The following ARNT variants were observed in gnomAD, a reference collection of about 807,000 sequenced individuals.
ARNT encodes the protein aryl hydrocarbon receptor nuclear translocator, also known as class E basic helix-loop-helix protein 2.
A neutral mutation model predicts 105.0 loss-of-function variants in ARNT; 30 were observed. The observed-to-expected ratio is 0.29, with a 90% CI of 0.21 to 0.39. The LOEUF (loss-of-function observed/expected upper bound fraction) is 0.39. ARNT is among the 10% of genes least tolerant of loss of function. The probability of loss-of-function intolerance (pLI) is 1.00; values close to 1 mark genes in which losing one functional copy is unlikely to be tolerated. For synonymous variants in ARNT, 304 were observed against 344.0 expected (o/e 0.88, Z 1.29); for missense variants, 748 against 978.7 (o/e 0.76, Z 3.15).
At chr1:150,876,247 G>A (rs949278734) in intron 1 of ARNT, among the ~76,000 whole-genome samples, 3 of 152,152 alleles carry the variant, frequency 2.0e-5, no homozygotes, top group Non-Finnish European at 4.4e-5. Context: ...ACCAGACGCC[G>A]ACCGAGGAGT....
chr1:150,867,362 T>C (rs1382802265), intron 1 of ARNT, among the ~76,000 whole-genome samples: 1 of 151,352 alleles, frequency 6.6e-6, no homozygotes, highest in Non-Finnish European at 1.5e-5. Context: ...AGACCTCATT[T>C]CTATAAATTA....
At chr1:150,860,379 C>T (rs587763597) in intron 1 of ARNT, among the ~76,000 whole-genome samples, 1 of 151,344 alleles carries the variant, frequency 6.6e-6, no homozygotes, top group East Asian at 2.0e-4. Context: ...CCACGCCTGG[C>T]TAATTTTTGT....
chr1:150,861,692 C>G (rs1246171088), intron 1 of ARNT, among the ~76,000 whole-genome samples: 1 of 152,168 alleles, frequency 6.6e-6, no homozygotes, highest in African/African-American at 2.4e-5. Context: ...TGCCTGATTA[C>G]AGGCATGAGT....
chr1:150,863,562 C>G (rs1666035143), intron 1 of ARNT, among the ~76,000 whole-genome samples: 1 of 152,072 alleles, frequency 6.6e-6, no homozygotes, highest in Non-Finnish European at 1.5e-5. Context: ...GGCACAGTGG[C>G]TCACGCCTGT....
intron 14 of ARNT, among the ~76,000 whole-genome samples, chr1:150,818,705 C>T (rs973186487): frequency 1.1e-4 from 16 of 151,966 alleles, no homozygotes; most frequent in Admixed American, 1.1e-3. Flanking sequence ...GCTGAGATAG[C>T]GCCACCGCAC....
intron 1 of ARNT, among the ~76,000 whole-genome samples, chr1:150,871,259 T>TTAC (rs1667371321): frequency 6.6e-6 from 1 of 151,400 alleles, no homozygotes; most frequent in South Asian, 2.1e-4. Context: ...TGATGTCTAC[T>TTAC]TACTAAAGTC....
At chr1:150,822,087 T>C (rs1285906784) in intron 14 of ARNT, among the ~76,000 whole-genome samples, 1 of 152,152 alleles carries the variant, frequency 6.6e-6, no homozygotes, top group Non-Finnish European at 1.5e-5. Flanking sequence ...CATTCATGTA[T>C]GACATGGCTA....
At position 150,816,288 on chromosome 1, in the gene ARNT, G is replaced by C. The variant is rs1474921727; in HGVS notation, c.1921C>G (p.Pro641Ala). 3.7e-6 allele frequency: 6 copies of C among 1,607,668 alleles called. No homozygotes were observed. The South Asian group carries it at 4.4e-5, about 12-fold the overall frequency. ...PTQGATPTWT[P>A]TTRSGFSAQQ... ...GCAGAAAAGCCTGAGCGGGTAGTAGGGGTCCAAGTTGGGGTTGCTCCTTGG... is the reference window on the plus strand; with the variant it reads ...GCAGAAAAGCCTGAGCGGGTAGTAGCGGTCCAAGTTGGGGTTGCTCCTTGG... The change falls in exon 19 of 22, where the codon CCT becomes GCT. Residue 641 changes from proline (P) to alanine (A), a missense_variant. Transcript: ENST00000358595.
Position 150,811,259 on chromosome 1 carries a change from T to C in ARNT, c.*762A>G, listed in dbSNP as rs181333407. ...TCTATATTTGCTTTACAGTTGTATA[T>C]TGGCTGGGCATGGATGCAAGCGCAG... On this transcript the variant is annotated 3_prime_UTR_variant, in exon 22 of 22. Transcript: ENST00000358595. 35 of 233,824 alleles carry C rather than the reference T, an allele frequency of 1.5e-4. No homozygotes were observed. Among genetic ancestry groups the C allele is most frequent in the Admixed American group, 4.5e-4 (8 of 17,800 alleles). The allele number at this position is 233,824 out of a possible 1,614,324, so 14.5% of individuals were successfully genotyped here. A position where few individuals can be genotyped will look rare whatever the true frequency, so the allele number is the denominator to read the frequency against.
intron 1 of ARNT, among the ~76,000 whole-genome samples, chr1:150,862,088 C>T (rs1207481563): frequency 2.0e-5 from 3 of 152,256 alleles, no homozygotes; most frequent in East Asian, 3.9e-4. Flanking sequence ...TTCCCTTCCA[C>T]GTAACAATAT....
intron 14 of ARNT, 49 bp from the exon 15 acceptor site, chr1:150,818,079 G>T: frequency 2.4e-6 from 3 of 1,234,606 alleles, no homozygotes; most frequent in Admixed American, 2.0e-5. Context: ...GGGAGGAAGG[G>T]GGGAGAGAGA....
rs960238011 is a variant in ARNT at position 150,846,449 on chromosome 1, C to A, written c.183-142G>T. 5.3e-6 allele frequency: 4 copies of A among 756,020 alleles called. No homozygotes were observed. In the Admixed American group the frequency reaches 1.1e-4, roughly 21 times the overall value. 46.8% of individuals were successfully genotyped at this position (756,020 alleles called of 1,614,324 possible). ...CATCACAAAGTGATAGAAATAACAG[C>A]AGCACCCCATAGAACTTAAAAGACC... On this transcript the variant is annotated intron_variant, in intron 3 of 21. Coordinates refer to ENST00000358595, the MANE Select transcript of ARNT (RefSeq NM_001668.4).
chr1:150,875,878 G>A (rs1017933954), intron 1 of ARNT, among the ~76,000 whole-genome samples: 3 of 152,170 alleles, frequency 2.0e-5, no homozygotes, highest in African/African-American at 7.2e-5. Context: ...CTAAAGACCT[G>A]TCCGGAACCA....
chr1:150,874,314 A>C (rs948283960), intron 1 of ARNT, among the ~76,000 whole-genome samples: 1 of 152,368 alleles, frequency 6.6e-6, no homozygotes, highest in Admixed American at 6.5e-5. Context: ...GGGAGAAAAG[A>C]AAAAAGAAAA....
chr1:150,858,018 A>C (rs1664938760), intron 2 of ARNT, among the ~76,000 whole-genome samples: 1 of 152,208 alleles, frequency 6.6e-6, no homozygotes, highest in Non-Finnish European at 1.5e-5. Flanking sequence ...CAGCCTACCA[A>C]AATGATTTTG....
At chr1:150,824,486 C>T (rs779071700) in intron 13 of ARNT, among the ~76,000 whole-genome samples, 2 of 147,306 alleles carry the variant, frequency 1.4e-5, no homozygotes, top group Non-Finnish European at 3.0e-5. Context: ...GATGGAGTCT[C>T]GCTCTGTCGC....
chr1:150,857,008 C>T (rs1351551042), intron 2 of ARNT, among the ~76,000 whole-genome samples: 4 of 151,310 alleles, frequency 2.6e-5, no homozygotes, highest in African/African-American at 7.3e-5. Flanking sequence ...TTTCTGATTA[C>T]CAATCATACA....
At chr1:150,836,669 GT>G (rs982964044) in intron 6 of ARNT, among the ~76,000 whole-genome samples, 176 bp from the exon 7 acceptor site, 29 of 152,274 alleles carry the variant, frequency 1.9e-4, no homozygotes, top group African/African-American at 6.7e-4. Flanking sequence ...CGATAAGAAA[GT>G]TTTTTCTAAT....
At chr1:150,834,849 C>G in intron 7 of ARNT, 1 of 479,534 alleles carries the variant, frequency 2.1e-6, no homozygotes, top group South Asian at 2.4e-5. Flanking sequence ...AGTTCAAAGG[C>G]AGCATTGAAA....
Sources: allele counts gnomAD v4.1 joint callset (sites outside exome capture counted in the v4.1 genomes callset), GRCh38; gene constraint gnomAD v4.1.1; transcripts MANE v1.5; gene names NCBI Gene and HGNC (gene_info 2026-07-23, HGNC 2026-07-21).